The following XKR9 variants were observed in gnomAD, a reference collection of about 807,000 sequenced individuals.
XKR9 encodes XK-related protein 9.
Under a neutral mutation model 32.0 loss-of-function variants are expected in XKR9, and 32 were observed. The observed-to-expected ratio is 1.00, with a 90% CI of 0.76 to 1.34. XKR9 has a LOEUF of 1.34. Among genes scored for constraint, XKR9 ranks in the 40% most tolerant of loss-of-function variants. XKR9 has a pLI of 0.00. For synonymous variants in XKR9, 168 were observed against 143.4 expected (o/e 1.17, Z -1.22); for missense variants, 546 against 429.7 (o/e 1.27, Z -2.39).
chr8:70,884,435 A>G, the XKR9 span, among the ~76,000 whole-genome samples: 3 of 152,168 alleles, frequency 2.0e-5, no homozygotes, highest in South Asian at 6.2e-4. Context: ...TCTTATATCT[A>G]AAACATTATC....
intron 2 of XKR9, among the ~76,000 whole-genome samples, chr8:70,743,072 C>G (rs977039885): frequency 6.6e-6 from 1 of 152,014 alleles, no homozygotes; most frequent in Admixed American, 6.6e-5. Flanking sequence ...ATTCTCCCAC[C>G]TATTCCTGAG....
chr8:70,973,704 G>C, the XKR9 span, among the ~76,000 whole-genome samples: 14 of 152,138 alleles, frequency 9.2e-5, no homozygotes, highest in African/African-American at 3.4e-4. Flanking sequence ...TCTCCATCTT[G>C]ATTTCATCAT....
At chr8:70,872,824 C>A in the XKR9 span, among the ~76,000 whole-genome samples, 1 of 152,094 alleles carries the variant, frequency 6.6e-6, no homozygotes, top group Middle Eastern at 3.2e-3. Context: ...CCACGCCCAG[C>A]TAATTTTGTA....
At chr8:70,873,020 T>G in the XKR9 span, among the ~76,000 whole-genome samples, 1 of 152,130 alleles carries the variant, frequency 6.6e-6, no homozygotes, top group African/African-American at 2.4e-5. Context: ...TTATGGCCCA[T>G]AAGATTGGTG....
At chr8:70,937,369 T>C in the XKR9 span, among the ~76,000 whole-genome samples, 1 of 152,036 alleles carries the variant, frequency 6.6e-6, no homozygotes, top group Non-Finnish European at 1.5e-5. Flanking sequence ...AATTGTTAGA[T>C]TCATGTGGGC....
the XKR9 span, among the ~76,000 whole-genome samples, chr8:70,898,093 G>A: frequency 1.3e-5 from 2 of 152,220 alleles, no homozygotes; most frequent in African/African-American, 4.8e-5. Flanking sequence ...TTTGTATATG[G>A]TGAGGGATAG....
chr8:70,784,241 A>G (rs2130257988), intron 2 of XKR9, among the ~76,000 whole-genome samples: 1 of 152,292 alleles, frequency 6.6e-6, no homozygotes, highest in East Asian at 1.9e-4. Flanking sequence ...CTATGTAAAA[A>G]TGACCCTGGA....
At chr8:71,009,677 G>A in the XKR9 span, among the ~76,000 whole-genome samples, 29 of 152,150 alleles carry the variant, frequency 1.9e-4, no homozygotes, top group African/African-American at 6.0e-4. Flanking sequence ...AGTGCTGAGG[G>A]AAGCAGTTCC....
chr8:70,778,931 AC>A (rs1267249833), intron 2 of XKR9, among the ~76,000 whole-genome samples: 2 of 152,184 alleles, frequency 1.3e-5, no homozygotes, highest in South Asian at 4.2e-4. Context: ...CTAATGGAAT[AC>A]CCTTTATTTC....
At chr8:70,755,374 A>G (rs1213182301) in intron 2 of XKR9, among the ~76,000 whole-genome samples, 1 of 152,230 alleles carries the variant, frequency 6.6e-6, no homozygotes, top group African/African-American at 2.4e-5. Context: ...ATCTAGAACT[A>G]GAAATACCAT....
At chr8:70,706,691 G>T (rs1805727706) in intron 3 of XKR9, among the ~76,000 whole-genome samples, 1 of 151,966 alleles carries the variant, frequency 6.6e-6, no homozygotes, top group African/African-American at 2.4e-5. Flanking sequence ...GATGAAATGG[G>T]ATTATGTATA....
the XKR9 span, among the ~76,000 whole-genome samples, chr8:70,947,422 T>A: frequency 4.6e-5 from 7 of 152,330 alleles, no homozygotes; most frequent in East Asian, 9.6e-4. Flanking sequence ...AAAGGAAGAA[T>A]GAGAGGGACA....
the XKR9 span, among the ~76,000 whole-genome samples, chr8:71,019,281 G>A: frequency 5.3e-5 from 8 of 152,216 alleles, no homozygotes; most frequent in Non-Finnish European, 7.4e-5. Flanking sequence ...ATGATTTAGC[G>A]TTGTGCTTAT....
the XKR9 span, among the ~76,000 whole-genome samples, chr8:71,022,017 G>A: frequency 6.6e-6 from 1 of 152,316 alleles, no homozygotes; most frequent in African/African-American, 2.4e-5. Context: ...TATAGATGGT[G>A]AAAAGTAGAG....
chr8:70,863,169 G>A, the XKR9 span, among the ~76,000 whole-genome samples: 3 of 152,288 alleles, frequency 2.0e-5, no homozygotes, highest in African/African-American at 7.2e-5. Flanking sequence ...CAGATGTTGA[G>A]AGAATCTCAG....
the XKR9 span, among the ~76,000 whole-genome samples, chr8:70,866,959 T>C: frequency 6.6e-6 from 1 of 152,160 alleles, no homozygotes; most frequent in Non-Finnish European, 1.5e-5. Context: ...ATCATGGAGG[T>C]TAAATCAATT....
chr8:70,812,979 T>C, the XKR9 span, among the ~76,000 whole-genome samples: 102,989 of 151,804 alleles, frequency 0.68, 35,462 homozygotes, highest in Admixed American at 0.74. Context: ...GAGCCTGCAT[T>C]GCCAAGTCAA....
the XKR9 span, among the ~76,000 whole-genome samples, chr8:71,024,725 T>A: frequency 6.6e-6 from 1 of 151,982 alleles, no homozygotes; most frequent in Admixed American, 6.6e-5. Flanking sequence ...CCACTGGACA[T>A]CTCTCACTTT....
chr8:70,966,317 C>T, the XKR9 span, among the ~76,000 whole-genome samples: 10 of 151,936 alleles, frequency 6.6e-5, no homozygotes, highest in African/African-American at 9.7e-5. Flanking sequence ...GGCGCAATTT[C>T]GGCTCACTAC....
Sources: allele counts gnomAD v4.1 joint callset (sites outside exome capture counted in the v4.1 genomes callset), GRCh38; gene constraint gnomAD v4.1.1; transcripts MANE v1.5; gene names NCBI Gene and HGNC (gene_info 2026-07-23, HGNC 2026-07-21).